GPC5: variants seen among roughly 807,000 people sequenced by gnomAD.
GPC5 encodes the protein glypican 5, also known as glypican-5.
A neutral mutation model predicts 53.9 loss-of-function variants in GPC5; 47 were observed. The observed-to-expected ratio is 0.87, with a 90% CI of 0.69 to 1.11. The LOEUF is 1.11. Among genes scored for constraint, GPC5 ranks in the 50% most tolerant of loss-of-function variants. The pLI is 0.00. For missense variants in GPC5, 748 were observed against 713.1 expected (o/e 1.05, Z -0.56); for synonymous variants, 286 against 263.3 (o/e 1.09, Z -0.84).
intron 5 of GPC5, among the ~76,000 whole-genome samples, chr13:91,758,698 A>C (rs1047505767): frequency 2.4e-4 from 36 of 152,140 alleles, no homozygotes; most frequent in African/African-American, 8.2e-4. Context: ...CTGATTAGCG[A>C]AGTGTGTGAT....
chr13:92,269,559 C>A (rs938477865), intron 7 of GPC5, among the ~76,000 whole-genome samples: 1 of 152,142 alleles, frequency 6.6e-6, no homozygotes, highest in South Asian at 2.1e-4. Flanking sequence ...GCATCTGCCA[C>A]CATGCCCGGC....
chr13:91,626,954 A>G (rs936833103), intron 2 of GPC5, among the ~76,000 whole-genome samples: 2 of 145,218 alleles, frequency 1.4e-5, no homozygotes, highest in Non-Finnish European at 3.0e-5. Flanking sequence ...TCTGCTCAGA[A>G]TGATGGTTTC....
chr13:91,996,121 T>G (rs2040501658), intron 6 of GPC5: 1 of 152,264 alleles, frequency 6.6e-6, no homozygotes. Context: ...TTTCATTGTT[T>G]TTTTGAGGAC....
intron 7 of GPC5, among the ~76,000 whole-genome samples, chr13:92,402,948 C>T (rs1875625781): frequency 6.6e-6 from 1 of 152,148 alleles, no homozygotes; most frequent in African/African-American, 2.4e-5. Context: ...GCTTGTTTTT[C>T]TCTAAAGAAG....
chr13:91,973,261 G>A (rs1278683241), intron 6 of GPC5, among the ~76,000 whole-genome samples: 2 of 151,944 alleles, frequency 1.3e-5, no homozygotes, highest in East Asian at 3.9e-4. Flanking sequence ...GATCTCATTG[G>A]CTCCTGAGGC....
chr13:91,481,425 T>C (rs762406174), intron 2 of GPC5, among the ~76,000 whole-genome samples: 1 of 152,180 alleles, frequency 6.6e-6, no homozygotes, highest in Non-Finnish European at 1.5e-5. Flanking sequence ...TCCATTTTCT[T>C]CAGTATCATC....
intron 2 of GPC5, among the ~76,000 whole-genome samples, chr13:91,457,619 G>A (rs1881654600): frequency 6.6e-6 from 1 of 152,144 alleles, no homozygotes. Context: ...AAGTGCGTAT[G>A]TAGTTTGAAA....
At chr13:92,748,492 T>G (rs1021939682) in intron 7 of GPC5, among the ~76,000 whole-genome samples, 1 of 151,796 alleles carries the variant, frequency 6.6e-6, no homozygotes, top group African/African-American at 2.4e-5. Flanking sequence ...GCTAATTGTT[T>G]GTAATTTTTT....
intron 6 of GPC5, among the ~76,000 whole-genome samples, chr13:92,009,406 G>A (rs2040640389): frequency 6.6e-6 from 1 of 151,814 alleles, no homozygotes; most frequent in Non-Finnish European, 1.5e-5. Flanking sequence ...TTTGTTCTGA[G>A]GCTAGTCTAG....
intron 2 of GPC5, among the ~76,000 whole-genome samples, chr13:91,623,041 A>G (rs1431670690): frequency 6.6e-6 from 1 of 152,120 alleles, no homozygotes; most frequent in East Asian, 1.9e-4. Flanking sequence ...GGGAAGAAGG[A>G]GGAGGAGAGA....
At chr13:91,730,750 A>G (rs2036679197) in intron 4 of GPC5, among the ~76,000 whole-genome samples, 1 of 152,226 alleles carries the variant, frequency 6.6e-6, no homozygotes, top group Non-Finnish European at 1.5e-5. Context: ...AATGGGCTAG[A>G]GCAACACACC....
At chr13:91,847,448 A>T (rs1245390806) in intron 5 of GPC5, among the ~76,000 whole-genome samples, 4 of 152,094 alleles carry the variant, frequency 2.6e-5, no homozygotes, top group Non-Finnish European at 5.9e-5. Context: ...ACTGAAAAAA[A>T]TGCTGTCAAA....
chr13:92,452,197 T>G (rs1042068436), intron 7 of GPC5, among the ~76,000 whole-genome samples: 1 of 152,146 alleles, frequency 6.6e-6, no homozygotes, highest in Non-Finnish European at 1.5e-5. Flanking sequence ...AACTGCAGGA[T>G]TACAGAAACG....
chr13:92,540,399 T>C (rs1274853721), intron 7 of GPC5, among the ~76,000 whole-genome samples: 1 of 151,760 alleles, frequency 6.6e-6, no homozygotes, highest in Non-Finnish European at 1.5e-5. Flanking sequence ...TAATCAGGAG[T>C]TGTGAATTAA....
intron 2 of GPC5, 34 bp downstream of exon 2, chr13:91,448,956 G>T (rs1201785310): frequency 3.8e-6 from 6 of 1,598,776 alleles, no homozygotes; most frequent in Non-Finnish European, 5.1e-6. Flanking sequence ...ACTAAGGACT[G>T]GCCGTGTTAT....
chr13:91,985,596 C>A (rs919779551), intron 6 of GPC5, among the ~76,000 whole-genome samples: 1 of 151,996 alleles, frequency 6.6e-6, no homozygotes, highest in Non-Finnish European at 1.5e-5. Flanking sequence ...TTCAGTTACA[C>A]ATGTTTATTC....
At chr13:92,101,448 G>A (rs374958390) in intron 6 of GPC5, among the ~76,000 whole-genome samples, 97 of 152,090 alleles carry the variant, frequency 6.4e-4, no homozygotes, top group African/African-American at 2.2e-3. Flanking sequence ...CAGTTACCAC[G>A]GACTGGCCAT....
chr13:91,682,274 T>C (rs2035526003), intron 2 of GPC5, among the ~76,000 whole-genome samples: 1 of 152,182 alleles, frequency 6.6e-6, no homozygotes, highest in Admixed American at 6.5e-5. Context: ...ATCAAGTGAA[T>C]TAATTTTCCA....
chr13:92,350,292 A>G (rs2043465158), intron 7 of GPC5, among the ~76,000 whole-genome samples: 1 of 152,206 alleles, frequency 6.6e-6, no homozygotes, highest in Admixed American at 6.5e-5. Flanking sequence ...CAATGGTAAA[A>G]AATTGGAAAG....
Sources: allele counts gnomAD v4.1 joint callset (sites outside exome capture counted in the v4.1 genomes callset), GRCh38; gene constraint gnomAD v4.1.1; transcripts MANE v1.5; gene names NCBI Gene and HGNC (gene_info 2026-07-23, HGNC 2026-07-21).